CTNNA2: variants seen among roughly 807,000 people sequenced by gnomAD.
CTNNA2 encodes catenin alpha-2.
CTNNA2 carries 42 observed loss-of-function variants against 101.0 expected under a neutral mutation model. The ratio of observed to expected loss-of-function variants is 0.42; its 90% CI spans 0.32 to 0.54. CTNNA2 has a LOEUF of 0.54. Ranked by LOEUF, CTNNA2 falls within the 20% of genes least tolerant of loss-of-function variation. The pLI is 0.14. For synonymous variants in CTNNA2, 450 were observed against 456.4 expected, an observed-to-expected ratio of 0.99 and a Z score of 0.18; for missense variants, 871 against 1,223.1, an observed-to-expected ratio of 0.71 and a Z score of 4.29.
chr2:80,456,369 T>C (rs1431186820), intron 9 of CTNNA2, among the ~76,000 whole-genome samples: 2 of 152,238 alleles, frequency 1.3e-5, no homozygotes, highest in Non-Finnish European at 2.9e-5. Context: ...TGTGCAGCCC[T>C]GCTGCCATTC....
At chr2:79,284,797 C>G (rs540710625) in intron 2 of CTNNA2, among the ~76,000 whole-genome samples, 1 of 148,880 alleles carries the variant, frequency 6.7e-6, no homozygotes, top group African/African-American at 2.5e-5. Context: ...GGAGGATTCC[C>G]TCTTTTTCTA....
intron 2 of CTNNA2, among the ~76,000 whole-genome samples, chr2:79,300,458 C>T (rs1676081939): frequency 6.6e-6 from 1 of 152,138 alleles, no homozygotes; most frequent in African/African-American, 2.4e-5. Flanking sequence ...AGAAGTTACA[C>T]CACTTTCTTC....
At chr2:80,101,532 T>A (rs1700544795) in intron 7 of CTNNA2, among the ~76,000 whole-genome samples, 1 of 152,234 alleles carries the variant, frequency 6.6e-6, no homozygotes, top group Non-Finnish European at 1.5e-5. Context: ...ATCAAGTCTA[T>A]GCGTGATAGC....
intron 8 of CTNNA2, among the ~76,000 whole-genome samples, chr2:80,408,923 C>T (rs997609363): frequency 6.6e-6 from 1 of 152,084 alleles, no homozygotes; most frequent in African/African-American, 2.4e-5. Context: ...ACACAAATAA[C>T]GATGCTCACC....
At position 79,927,709 on chromosome 2, in the gene CTNNA2, C is replaced by G. The variant is rs189026467; in HGVS notation, c.1056+17912C>G. On this transcript the variant is annotated intron_variant, in intron 7 of 18. Transcript: ENST00000402739. ...AATCTGTCATATATTAGGTTTTGAT[C>G]ATATAATGTTACTCTGTAAATATTT... is the stretch of plus-strand genomic sequence containing the variant. 5.3e-5 allele frequency among the ~76,000 whole-genome samples: 8 copies of G among 152,246 alleles called. No homozygotes were observed. In the East Asian group the frequency reaches 1.5e-3, roughly 29 times the overall value.
intron 9 of CTNNA2, among the ~76,000 whole-genome samples, chr2:80,441,875 G>A (rs1682617654): frequency 6.6e-6 from 1 of 152,158 alleles, no homozygotes; most frequent in African/African-American, 2.4e-5. Flanking sequence ...CAGTAGCACT[G>A]AGGAGCAAGA....
intron 2 of CTNNA2, among the ~76,000 whole-genome samples, chr2:79,250,533 C>T (rs1240531376): frequency 6.6e-6 from 1 of 152,184 alleles, no homozygotes; most frequent in Non-Finnish European, 1.5e-5. Context: ...GGCTTCAGTT[C>T]TAGCCACAAC....
intron 7 of CTNNA2, among the ~76,000 whole-genome samples, chr2:80,152,317 GT>G (rs113520232): frequency 1.5e-3 from 213 of 143,062 alleles, no homozygotes; most frequent in South Asian, 5.1e-3. Flanking sequence ...GCCACTTGAT[GT>G]TTTTTTTTTT....
At chr2:79,732,426 T>C (rs1181026143) in intron 2 of CTNNA2, among the ~76,000 whole-genome samples, 1 of 152,104 alleles carries the variant, frequency 6.6e-6, no homozygotes, top group Non-Finnish European at 1.5e-5. Context: ...GAGACTGGCA[T>C]GCAAAGCTTT....
intron 2 of CTNNA2, among the ~76,000 whole-genome samples, chr2:79,203,295 T>C (rs1351584665): frequency 6.6e-6 from 1 of 152,154 alleles, no homozygotes; most frequent in African/African-American, 2.4e-5. Flanking sequence ...CCAAATTCAT[T>C]AGAAAATAAT....
At chr2:79,381,601 G>A (rs1382581390) in intron 4 of CTNNA2, among the ~76,000 whole-genome samples, 1 of 152,158 alleles carries the variant, frequency 6.6e-6, no homozygotes, top group Non-Finnish European at 1.5e-5. Context: ...TAAGCCAGAC[G>A]GAAGAGGCTA....
intron 4 of CTNNA2, among the ~76,000 whole-genome samples, chr2:79,868,614 G>A (rs910716778): frequency 6.6e-5 from 10 of 152,210 alleles, no homozygotes; most frequent in African/African-American, 1.7e-4. Context: ...TTGTGTTTCC[G>A]AATTGTCAAA....
intron 7 of CTNNA2, among the ~76,000 whole-genome samples, chr2:80,210,108 A>G (rs1707792070): frequency 6.6e-6 from 1 of 152,226 alleles, no homozygotes; most frequent in Admixed American, 6.5e-5. Context: ...CCCTAAACAC[A>G]TCTTCTAATC....
At chr2:79,491,053 CA>C (rs1215953414) in intron 4 of CTNNA2, among the ~76,000 whole-genome samples, 6 of 152,182 alleles carry the variant, frequency 3.9e-5, no homozygotes, top group African/African-American at 1.4e-4. Context: ...GAAAACCCTG[CA>C]AAATTATAGA....
chr2:80,306,972 TA>T (rs1240110614), intron 7 of CTNNA2, among the ~76,000 whole-genome samples: 1 of 151,728 alleles, frequency 6.6e-6, no homozygotes, highest in African/African-American at 2.4e-5. Context: ...CACTGATTTA[TA>T]TGTGAGTTTT....
At chr2:79,742,103 T>TC (rs1048102311) in intron 2 of CTNNA2, among the ~76,000 whole-genome samples, 28 of 151,954 alleles carry the variant, frequency 1.8e-4, no homozygotes, top group African/African-American at 6.3e-4. Context: ...ATGTTTTTCT[T>TC]CCCCCCCACA....
intron 7 of CTNNA2, among the ~76,000 whole-genome samples, chr2:80,347,464 C>G (rs1037389310): frequency 1.3e-5 from 2 of 152,116 alleles, no homozygotes; most frequent in African/African-American, 4.8e-5. Context: ...AATGTCATCA[C>G]CAGGGGAGAG....
chr2:80,204,777 G>T (rs986339408), intron 7 of CTNNA2, among the ~76,000 whole-genome samples: 2 of 149,646 alleles, frequency 1.3e-5, no homozygotes, highest in African/African-American at 5.0e-5. Flanking sequence ...TACTGTATTA[G>T]TTCATTTTCA....
At chr2:80,215,036 C>T (rs914598291) in intron 7 of CTNNA2, among the ~76,000 whole-genome samples, 1 of 152,136 alleles carries the variant, frequency 6.6e-6, no homozygotes, top group African/African-American at 2.4e-5. Context: ...CCCTTTCTTC[C>T]ACTTGATCAA....
Sources: gnomAD v4.1 joint callset for allele counts (sites outside exome capture counted in the v4.1 genomes callset) on GRCh38, gnomAD v4.1.1 for gene constraint, MANE v1.5 for transcripts, NCBI Gene and HGNC (gene_info 2026-07-23, HGNC 2026-07-21) for gene names.